The following RORA variants were observed in gnomAD, a reference collection of about 807,000 sequenced individuals.
RORA encodes the protein RAR related orphan receptor A, also known as nuclear receptor ROR-alpha.
RORA carries 7 observed loss-of-function variants against 69.5 expected under a neutral mutation model. That is an observed-to-expected ratio of 0.10 (90% CI 0.06 to 0.19). The LOEUF is 0.19. Ranked by LOEUF, RORA falls within the 10% of genes least tolerant of loss-of-function variation. RORA has a pLI of 1.00. For synonymous variants in RORA, 261 were observed against 240.8 expected (o/e 1.08, Z -0.78); for missense variants, 457 against 663.0 (o/e 0.69, Z 3.41).
chr15:60,511,692 G>T lies in RORA; in HGVS notation c.425-71C>A, dbSNP rs2065704041. The T allele has an allele frequency of 6.8e-7, 1 of 1,473,170 alleles. No homozygotes were observed. The highest frequency in any genetic ancestry group is 2.4e-5 in the East Asian group (1 of 42,210). The allele number at this position is 1,473,170 out of a possible 1,614,324, so 91.3% of individuals were successfully genotyped here. Reference sequence around the variant, plus strand: ...TCAATATTCTCTCCTGCGAGCTTTGGGGTTTCCTTTGAAGTCTCACACAAT... The same window carrying T: ...TCAATATTCTCTCCTGCGAGCTTTGTGGTTTCCTTTGAAGTCTCACACAAT... On this transcript the variant is annotated intron_variant, in intron 4 of 10. Coordinates refer to ENST00000335670, the MANE Select transcript of RORA (RefSeq NM_134261.3). The surrounding 1 kb of genome is among the most constrained non-coding windows in gnomAD (Gnocchi z 6.4).
intron 1 of RORA, among the ~76,000 whole-genome samples, chr15:61,182,091 A>G (rs2079692326): frequency 6.6e-6 from 1 of 152,182 alleles, no homozygotes; most frequent in South Asian, 2.1e-4. Flanking sequence ...CACCCTTCAT[A>G]TCTGTTTTCT....
chr15:60,950,935 G>A (rs1309736821), intron 1 of RORA, among the ~76,000 whole-genome samples: 9 of 149,370 alleles, frequency 6.0e-5, no homozygotes, highest in Non-Finnish European at 8.9e-5. Flanking sequence ...TGCACCAAGC[G>A]GACGTAATAG....
At chr15:60,523,664 T>C (rs1031640074) in intron 3 of RORA, among the ~76,000 whole-genome samples, 1 of 152,070 alleles carries the variant, frequency 6.6e-6, no homozygotes, top group Non-Finnish European at 1.5e-5. Context: ...GAGCCCCCAT[T>C]GACTTTCTGG....
At chr15:60,592,871 G>A in intron 2 of RORA, 1 of 462,450 alleles carries the variant, frequency 2.2e-6, no homozygotes, top group South Asian at 1.6e-5. Flanking sequence ...ACCACTTTCT[G>A]CCCCCACTCG....
intron 1 of RORA, among the ~76,000 whole-genome samples, chr15:61,107,848 A>G (rs1333248811): frequency 6.6e-6 from 1 of 152,096 alleles, no homozygotes; most frequent in Admixed American, 6.6e-5. Flanking sequence ...CAGAGAGAAT[A>G]CACTATCCAT....
chr15:61,157,262 G>A (rs1400124004), intron 1 of RORA, among the ~76,000 whole-genome samples: 4 of 152,140 alleles, frequency 2.6e-5, no homozygotes, highest in African/African-American at 9.7e-5. Flanking sequence ...TGGCATAAAT[G>A]TAGGCAACAT....
intron 1 of RORA, among the ~76,000 whole-genome samples, chr15:61,157,181 A>G (rs1432332132): frequency 6.6e-6 from 1 of 152,204 alleles, no homozygotes; most frequent in Non-Finnish European, 1.5e-5. Flanking sequence ...TATTTTGACC[A>G]AGTGAGAATA....
At chr15:60,631,987 A>G (rs2069747281) in intron 2 of RORA, among the ~76,000 whole-genome samples, 1 of 152,232 alleles carries the variant, frequency 6.6e-6, no homozygotes, top group African/African-American at 2.4e-5. Flanking sequence ...CTTTTATAAG[A>G]ACCCAATAAT....
chr15:60,991,518 A>C (rs1212838738), intron 1 of RORA, among the ~76,000 whole-genome samples: 1 of 151,916 alleles, frequency 6.6e-6, no homozygotes, highest in East Asian at 1.9e-4. Context: ...TAATAACAAT[A>C]ATTCTAAGAG....
chr15:60,888,401 T>A (rs1313477696), intron 1 of RORA, among the ~76,000 whole-genome samples: 2 of 152,210 alleles, frequency 1.3e-5, no homozygotes, highest in Non-Finnish European at 2.9e-5. Flanking sequence ...AAAGGACATG[T>A]GTGACTGCTA....
intron 1 of RORA, among the ~76,000 whole-genome samples, chr15:60,899,273 C>T (rs1891318577): frequency 6.6e-6 from 1 of 152,166 alleles, no homozygotes; most frequent in African/African-American, 2.4e-5. Flanking sequence ...ATATGAAGAG[C>T]ATGGAACTCT....
chr15:60,597,804 A>G (rs2068730893), intron 2 of RORA, among the ~76,000 whole-genome samples: 1 of 150,088 alleles, frequency 6.7e-6, no homozygotes, highest in Non-Finnish European at 1.5e-5. Context: ...TGGAGTAGGA[A>G]CTGACTGCAA....
At chr15:61,065,444 C>T (rs191481788) in intron 1 of RORA, among the ~76,000 whole-genome samples, 90 of 152,294 alleles carry the variant, frequency 5.9e-4, no homozygotes, top group Non-Finnish European at 1.5e-5. Flanking sequence ...TTTTCCAACA[C>T]TTCATGATGC....
At chr15:60,722,520 C>A (rs75072177) in intron 1 of RORA, among the ~76,000 whole-genome samples, 1 of 152,172 alleles carries the variant, frequency 6.6e-6, no homozygotes, top group African/African-American at 2.4e-5. Context: ...CCCTGAGGGA[C>A]GTGGATCACC....
chr15:61,198,346 C>G (rs544403206), intron 1 of RORA, among the ~76,000 whole-genome samples: 1 of 152,048 alleles, frequency 6.6e-6, no homozygotes, highest in East Asian at 1.9e-4. Flanking sequence ...AGGAAGATAA[C>G]CTAGATCTAG....
rs144729977 is a variant in RORA at position 61,141,218 on chromosome 15, T to C, written c.166+87835A>G. Among the ~76,000 whole-genome samples, 18 of 152,368 alleles carry C rather than the reference T, an allele frequency of 1.2e-4. No individual in the cohort carries two copies. The East Asian group carries it at 3.5e-3, about 29-fold the overall frequency. On this transcript the variant is annotated intron_variant, in intron 1 of 10. Coordinates refer to ENST00000335670, the MANE Select transcript of RORA (RefSeq NM_134261.3). ...ATATTGACTTCTGGGGTTAATGCAA[T>C]ATCCCATAGATTTATCTTATACATT...
intron 1 of RORA, among the ~76,000 whole-genome samples, chr15:61,189,339 C>T (rs183046397): frequency 1.2e-4 from 19 of 152,308 alleles, no homozygotes; most frequent in African/African-American, 4.1e-4. Context: ...CATCCAGTGC[C>T]TGTATCCACG....
At chr15:60,634,051 C>A (rs755253580) in intron 2 of RORA, among the ~76,000 whole-genome samples, 2 of 151,992 alleles carry the variant, frequency 1.3e-5, no homozygotes, top group Non-Finnish European at 2.9e-5. Flanking sequence ...TATACATGTA[C>A]AGACTAAAAT....
intron 1 of RORA, among the ~76,000 whole-genome samples, chr15:61,135,978 C>T (rs1455607501): frequency 6.6e-6 from 1 of 152,206 alleles, no homozygotes; most frequent in Non-Finnish European, 1.5e-5. Context: ...AAGCTTCCAG[C>T]TCATCAAACG....
Sources: gnomAD v4.1 joint callset for allele counts (sites outside exome capture counted in the v4.1 genomes callset) on GRCh38, gnomAD v4.1.1 for gene constraint, Gnocchi (gnomAD v3.1) non-coding constraint, MANE v1.5 for transcripts, NCBI Gene and HGNC (gene_info 2026-07-23, HGNC 2026-07-21) for gene names.